Variants in ATP7B observed in about 807,000 individuals in gnomAD.
The protein encoded by ATP7B is ATPase copper transporting beta, also known as copper-transporting ATPase 2.
A neutral mutation model predicts 118.9 loss-of-function variants in ATP7B; 113 were observed. The observed-to-expected ratio is 0.95, with a 90% CI of 0.82 to 1.11. The LOEUF (loss-of-function observed/expected upper bound fraction) is 1.11. Among genes scored for constraint, ATP7B ranks in the 50% most tolerant of loss-of-function variants. ATP7B has a pLI of 0.00. For synonymous variants in ATP7B, 777 were observed against 727.4 expected (o/e 1.07, Z -1.10); for missense variants, 1,867 against 1,871.4 (o/e 1.00, Z 0.04).
chr13:51,937,331 G>A lies in ATP7B; in HGVS notation c.3966C>T (p.Arg1322=). ...HLSKRTVRRI[R]INLVLALIYN... ...AAATCAGTGCCAGGACCAGGTTGAT[G>A]CGTATCCTTCGGACAGTCCTCTTGG... Residue 1322 remains arginine, a synonymous_variant, in exon 19 of 21, where the codon CGC becomes CGT. Coordinates refer to ENST00000242839, the MANE Select transcript of ATP7B (RefSeq NM_000053.4). 2 of 1,614,212 alleles carry A rather than the reference G, an allele frequency of 1.2e-6. No homozygotes were observed. Among genetic ancestry groups the A allele is most frequent in the Non-Finnish European group, 1.7e-6 (2 of 1,180,044 alleles).
intron 12 of ATP7B, among the ~76,000 whole-genome samples, chr13:51,948,844 T>C (rs1287693876): frequency 3.9e-5 from 6 of 152,182 alleles, no homozygotes; most frequent in Non-Finnish European, 8.8e-5. Flanking sequence ...GTATATTCCA[T>C]TGCCTCACAT....
chr13:51,984,037 G>A (rs1234801763), intron 1 of ATP7B, among the ~76,000 whole-genome samples: 1 of 152,034 alleles, frequency 6.6e-6, no homozygotes, highest in Non-Finnish European at 1.5e-5. Flanking sequence ...TCGCCAGCAA[G>A]GGAACAAAAC....
chr13:51,962,072 T>G (rs1445286346), intron 5 of ATP7B, among the ~76,000 whole-genome samples, 159 bp from the exon 6 acceptor site: 1 of 152,212 alleles, frequency 6.6e-6, no homozygotes, highest in Non-Finnish European at 1.5e-5. Context: ...CTTTACCCAA[T>G]AGCCCTACAA....
At chr13:51,956,185 C>T (rs770593887) in intron 9 of ATP7B, among the ~76,000 whole-genome samples, 2 of 152,204 alleles carry the variant, frequency 1.3e-5, no homozygotes, top group Non-Finnish European at 2.9e-5. Context: ...AGTGCCACCG[C>T]GCAGCAGCCA....
At chr13:51,964,706 A>C (rs1958972301) in intron 5 of ATP7B, 166 bp downstream of exon 5, 2 of 730,492 alleles carry the variant, frequency 2.7e-6, no homozygotes, top group Non-Finnish European at 4.4e-6. Context: ...TTTATTATTT[A>C]CTTACCTGCA....
At chr13:51,988,940 A>T (rs1194773683) in intron 1 of ATP7B, among the ~76,000 whole-genome samples, 1 of 152,072 alleles carries the variant, frequency 6.6e-6, no homozygotes, top group Non-Finnish European at 1.5e-5. Context: ...TACCATTAGG[A>T]GAAATACCTA....
Position 51,939,151 on chromosome 13 carries a change from T to G in ATP7B, c.3599A>C (p.Gln1200Pro), listed in dbSNP as rs747764483. The G allele has an allele frequency of 9.9e-6, 16 of 1,614,222 alleles. No individual in the cohort carries two copies. In the South Asian group the frequency reaches 1.5e-4, roughly 16 times the overall value. Reference sequence around the variant, plus strand: ...CGTGTGCACAGCCAGGGCAGCCTCCTGCTTGACAGCGTCTGCGATTGCGAT... The same window carrying G: ...CGTGTGCACAGCCAGGGCAGCCTCCGGCTTGACAGCGTCTGCGATTGCGAT... ...GMIAIADAVK[Q>P]EAALAVHTLQ... The change falls in exon 17 of 21, where the codon CAG becomes CCG. Residue 1200 changes from glutamine to proline, a missense_variant. Gln to Pro is a moderately conservative substitution (Grantham distance 76, BLOSUM62 -1). Coordinates refer to ENST00000242839, the MANE Select transcript of ATP7B (RefSeq NM_000053.4).
intron 1 of ATP7B, among the ~76,000 whole-genome samples, chr13:51,983,481 G>A (rs920570975): frequency 6.6e-6 from 1 of 152,154 alleles, no homozygotes; most frequent in Non-Finnish European, 1.5e-5. Context: ...GGCTGTGGGT[G>A]CAGCTTCAGC....
intron 16 of ATP7B, among the ~76,000 whole-genome samples, chr13:51,939,449 T>C (rs1957185801): frequency 6.6e-6 from 1 of 152,238 alleles, no homozygotes; most frequent in Non-Finnish European, 1.5e-5. Context: ...CATTTTCTCC[T>C]TTATAGCTGA....
At position 51,975,044 on chromosome 13, in the gene ATP7B, G is replaced by T. The variant is rs768112104; in HGVS notation, c.176C>A (p.Thr59Asn). ...DGLGPSSQVA[T>N]STVRILGMTC... ...CATGCCCAAGATCCTGACTGTGCTG[G>T]TGGCCACCTGAGAAGAAGGGCCCAG... Residue 59 changes from threonine to asparagine, a missense_variant, in exon 2 of 21, where the codon ACC becomes AAC. By Grantham distance (65) the Thr-to-Asn change is moderately conservative. Coordinates refer to ENST00000242839, the MANE Select transcript of ATP7B (RefSeq NM_000053.4). 2 of 1,614,102 alleles carry T rather than the reference G, an allele frequency of 1.2e-6. No homozygotes were observed. Among genetic ancestry groups the T allele is most frequent in the Non-Finnish European group, 1.7e-6 (2 of 1,180,054 alleles).
chr13:51,967,497 C>T lies in ATP7B; in HGVS notation c.1707+947G>A, dbSNP rs561225152. Among the ~76,000 whole-genome samples, 27 of 152,308 alleles carry T rather than the reference C, an allele frequency of 1.8e-4. 1 individual carries two copies. In the South Asian group the frequency reaches 5.6e-3, roughly 32 times the overall value. On this transcript the variant is annotated intron_variant, in intron 4 of 20. Coordinates refer to ENST00000242839, the MANE Select transcript of ATP7B (RefSeq NM_000053.4). ...CCAGAGGTTTGCAGCAGAGACCCTG[C>T]CCCTCTTGTTGGGCACCTCTTGTGG...
intron 1 of ATP7B, among the ~76,000 whole-genome samples, chr13:51,986,003 AC>A (rs553278773): frequency 2.1e-3 from 321 of 152,310 alleles, no homozygotes; most frequent in Non-Finnish European, 3.9e-3. Flanking sequence ...AATTAAAAGA[AC>A]TAGAGCAGCA....
Position 51,946,275 on chromosome 13 carries a change from C to T in ATP7B, c.3060+9G>A, listed in dbSNP as rs757185348. The T allele has an allele frequency of 2.5e-6, 4 of 1,572,138 alleles. No homozygotes were observed. The highest frequency in any genetic ancestry group is 3.5e-6 in the Non-Finnish European group (4 of 1,158,478). ...TCTCAGGATGGGGAAAGCCGTGCTACAGGCTGACCTTGTGCGCCATCTCCA... is the reference window on the plus strand; with the variant it reads ...TCTCAGGATGGGGAAAGCCGTGCTATAGGCTGACCTTGTGCGCCATCTCCA... On this transcript the variant is annotated intron_variant, in intron 13 of 20. Transcript: ENST00000242839.
At chr13:51,957,314 G>GCA (rs529494145) in intron 9 of ATP7B, among the ~76,000 whole-genome samples, 98 of 152,016 alleles carry the variant, frequency 6.4e-4, no homozygotes, top group African/African-American at 2.2e-3. Context: ...GTGCCATTTC[G>GCA]CACACACACA....
At chr13:51,950,784 G>T (rs530747362) in intron 9 of ATP7B, among the ~76,000 whole-genome samples, 1 of 152,276 alleles carries the variant, frequency 6.6e-6, no homozygotes, top group East Asian at 1.9e-4. Flanking sequence ...CTCTGGGAAG[G>T]TAACATTTAA....
At chr13:51,959,891 T>C (rs1958615647) in intron 7 of ATP7B, 1 of 526,614 alleles carries the variant, frequency 1.9e-6, no homozygotes, top group East Asian at 3.5e-5. Flanking sequence ...CCAGGGCCAG[T>C]TCTGATCACT....
At position 51,960,326 on chromosome 13, in the gene ATP7B, G is replaced by A. The variant is rs74904335; in HGVS notation, c.1947-4C>T. The A allele has an allele frequency of 5.5e-4, 891 of 1,612,656 alleles. 12 individuals are homozygous for A. The East Asian group carries it at 0.019, about 35-fold the overall frequency. The stretch of plus-strand genomic sequence containing the variant: ...GCACAGGAAAGACTTCTTCCACCTG[G>A]AAAGCAAATGCAGCAACACAGATAT... On this transcript the variant is annotated splice_region_variant and splice_polypyrimidine_tract_variant and intron_variant, in intron 6 of 20. Coordinates refer to ENST00000242839, the MANE Select transcript of ATP7B (RefSeq NM_000053.4).
intron 3 of ATP7B, among the ~76,000 whole-genome samples, chr13:51,969,219 T>G (rs1593769709): frequency 6.6e-6 from 1 of 151,754 alleles, no homozygotes; most frequent in African/African-American, 2.4e-5. Context: ...CTTCTCAAAC[T>G]TTAATGGACA....
chr13:51,976,715 T>C lies in ATP7B; in HGVS notation c.52-1547A>G, dbSNP rs150810532. 1.1e-4 allele frequency among the ~76,000 whole-genome samples: 16 copies of C among 152,356 alleles called. No homozygotes were observed. The East Asian group carries it at 2.9e-3, about 28-fold the overall frequency. ...GCCACACACCTGTACAGCATGTTAC[T>C]GTACTGAATACTGTAGGCAATTGTA... On this transcript the variant is annotated intron_variant, in intron 1 of 20. Transcript: ENST00000242839.
Sources: allele counts gnomAD v4.1 joint callset (sites outside exome capture counted in the v4.1 genomes callset), GRCh38; gene constraint gnomAD v4.1.1; transcripts MANE v1.5; gene names NCBI Gene and HGNC (gene_info 2026-07-23, HGNC 2026-07-21).